TRIM63: variants seen among roughly 807,000 people sequenced by gnomAD.
TRIM63 encodes the protein tripartite motif containing 63.
A neutral mutation model predicts 46.0 loss-of-function variants in TRIM63; 48 were observed. The ratio of observed to expected loss-of-function variants is 1.04; its 90% CI spans 0.83 to 1.33. The LOEUF (loss-of-function observed/expected upper bound fraction) is 1.33. Ranked by LOEUF, TRIM63 falls within the 40% of genes most tolerant of loss-of-function variation. The probability of loss-of-function intolerance (pLI) is 0.00; values close to 1 mark genes in which losing one functional copy is unlikely to be tolerated. For missense variants in TRIM63, 455 were observed against 441.2 expected (o/e 1.03, Z -0.28); for synonymous variants, 175 against 162.8 (o/e 1.08, Z -0.57).
chr1:26,066,865 C>T (rs1200929170), intron 1 of TRIM63, among the ~76,000 whole-genome samples: 1 of 152,018 alleles, frequency 6.6e-6, no homozygotes, highest in Non-Finnish European at 1.5e-5. Flanking sequence ...CCCTTCCTTT[C>T]TCGGGGAGTT....
intron 7 of TRIM63, among the ~76,000 whole-genome samples, chr1:26,056,261 T>G (rs1241136337): frequency 1.3e-5 from 2 of 152,236 alleles, no homozygotes; most frequent in African/African-American, 2.4e-5. Flanking sequence ...ATTTTCACCC[T>G]TATTATTGTT....
Position 26,057,636 on chromosome 1 carries a change from GA to G in TRIM63, c.845del (p.Leu282ProfsTer31). The G allele has an allele frequency of 6.2e-7, 1 of 1,610,622 alleles. No homozygotes were observed. The highest frequency in any genetic ancestry group is 2.2e-5 in the East Asian group (1 of 44,820). On this transcript the variant is annotated frameshift_variant, in exon 6 of 9. Transcript: ENST00000374272. LOFTEE classifies it high-confidence loss of function. ...TCTAGGAAGACACTGACCTTTTGAT[GA>G]GTTGCTTGGCAGTCTGCAGGGGGAG... Reference protein sequence around the residue: ...GATFLLTAKQLIKSIVEASKG... With the variant: ...GATFLLTAKQXIKSIVEASKG...
rs778756156 is a variant in TRIM63 at position 26,058,371 on chromosome 1, C to T, written c.831+19G>A. 1.2e-6 allele frequency: 2 copies of T among 1,608,548 alleles called. No individual in the cohort carries two copies. The highest frequency in any genetic ancestry group is 1.7e-6 in the Non-Finnish European group (2 of 1,175,630). ...TAGAGTTGAACTGACCCCACCCAGA[C>T]CCTTCTAGTCCTGCTCACCAAGAGG... On this transcript the variant is annotated intron_variant, in intron 5 of 8. Transcript: ENST00000374272.
At chr1:26,051,973 G>C in intron 8 of TRIM63, 90 bp from the exon 9 acceptor site, 1 of 1,126,686 alleles carries the variant, frequency 8.9e-7, no homozygotes, top group Non-Finnish European at 1.2e-6. Flanking sequence ...ATTCAAACAG[G>C]AGTTTGAATA....
chr1:26,066,082 G>A (rs954406887), intron 2 of TRIM63, among the ~76,000 whole-genome samples, 186 bp downstream of exon 2: 3 of 152,146 alleles, frequency 2.0e-5, no homozygotes, highest in Non-Finnish European at 4.4e-5. Context: ...CTTCCCATCC[G>A]CTGAGCAATC....
intron 3 of TRIM63, 47 bp downstream of exon 3, chr1:26,061,119 G>T (rs144474205): frequency 3.8e-6 from 6 of 1,589,950 alleles, no homozygotes; most frequent in Non-Finnish European, 5.2e-6. Context: ...TCATCAGGCC[G>T]TGCCCAGCAG....
intron 3 of TRIM63, among the ~76,000 whole-genome samples, chr1:26,060,962 G>A (rs551563461): frequency 2.6e-5 from 4 of 152,196 alleles, no homozygotes; most frequent in East Asian, 3.8e-4. Context: ...AGGTGCTCTC[G>A]AGTGGCTCTA....
chr1:26,067,324 C>T lies in TRIM63; in HGVS notation c.159+12G>A. The T allele has an allele frequency of 6.2e-7, 1 of 1,613,208 alleles. No homozygotes were observed. Among genetic ancestry groups the T allele is most frequent in the Non-Finnish European group, 8.5e-7 (1 of 1,179,916 alleles). On this transcript the variant is annotated intron_variant, in intron 1 of 8. Transcript: ENST00000374272. ...CCTGGGGACCCCAAATGAAGCTGCACCCGGCACTTACCTGGAAGATGTCAT... is the reference window on the plus strand; with the variant it reads ...CCTGGGGACCCCAAATGAAGCTGCATCCGGCACTTACCTGGAAGATGTCAT...
chr1:26,063,126 A>G (rs2050642624), intron 2 of TRIM63, among the ~76,000 whole-genome samples: 1 of 152,024 alleles, frequency 6.6e-6, no homozygotes, highest in Admixed American at 6.6e-5. Flanking sequence ...GCTGGAGTGC[A>G]GCAGCGATTC....
chr1:26,057,407 G>T, intron 6 of TRIM63, 80 bp from the exon 7 acceptor site: 2 of 1,553,836 alleles, frequency 1.3e-6, no homozygotes, highest in Non-Finnish European at 1.7e-6. Context: ...GCTTTGCCAC[G>T]CCCAGGCCTT....
At chr1:26,054,902 A>G (rs1454399455) in intron 7 of TRIM63, among the ~76,000 whole-genome samples, 2 of 151,714 alleles carry the variant, frequency 1.3e-5, no homozygotes, top group Admixed American at 1.3e-4. Context: ...CAGGAGGCAA[A>G]CGTTGCAGTG....
intron 2 of TRIM63, among the ~76,000 whole-genome samples, chr1:26,061,764 G>T (rs1342897256): frequency 6.6e-6 from 1 of 152,234 alleles, no homozygotes; most frequent in Non-Finnish European, 1.5e-5. Context: ...GAGTTCAGTT[G>T]CTCTAATTAT....
chr1:26,056,595 G>A (rs1254856119), intron 7 of TRIM63, among the ~76,000 whole-genome samples: 1 of 152,110 alleles, frequency 6.6e-6, no homozygotes, highest in Non-Finnish European at 1.5e-5. Context: ...ACAAATGACA[G>A]AACCAGGATT....
At chr1:26,056,315 T>A (rs2050569954) in intron 7 of TRIM63, among the ~76,000 whole-genome samples, 1 of 152,164 alleles carries the variant, frequency 6.6e-6, no homozygotes, top group Non-Finnish European at 1.5e-5. Context: ...TATGGAAGAG[T>A]AATTATAAAC....
intron 3 of TRIM63, among the ~76,000 whole-genome samples, chr1:26,060,616 A>G (rs1020046999): frequency 5.3e-5 from 8 of 152,238 alleles, no homozygotes; most frequent in Non-Finnish European, 8.8e-5. Flanking sequence ...AGGAACTGAC[A>G]GAGGAGGGGC....
At chr1:26,066,516 T>A (rs1206467185) in intron 1 of TRIM63, 76 bp from the exon 2 acceptor site, 2 of 1,359,744 alleles carry the variant, frequency 1.5e-6, no homozygotes, top group African/African-American at 3.0e-5. Flanking sequence ...CTCTTATCCT[T>A]TCCTCTGCCT....
intron 1 of TRIM63, among the ~76,000 whole-genome samples, chr1:26,066,762 A>C (rs1443172778): frequency 3.3e-5 from 5 of 152,194 alleles, no homozygotes; most frequent in Admixed American, 3.3e-4. Context: ...CAAGCTCCTA[A>C]GGCTGCTACT....
chr1:26,062,112 T>C (rs565276163), intron 2 of TRIM63, among the ~76,000 whole-genome samples: 10 of 151,526 alleles, frequency 6.6e-5, no homozygotes, highest in African/African-American at 2.4e-4. Flanking sequence ...TACTAAAAAC[T>C]CAAAAAAATT....
chr1:26,062,509 G>A (rs2124441845), intron 2 of TRIM63, among the ~76,000 whole-genome samples: 1 of 152,258 alleles, frequency 6.6e-6, no homozygotes, highest in South Asian at 2.1e-4. Context: ...TGCCCCTGAG[G>A]CTCAGAGAAG....
Sources: allele counts gnomAD v4.1 joint callset (sites outside exome capture counted in the v4.1 genomes callset), GRCh38; gene constraint gnomAD v4.1.1; transcripts MANE v1.5; gene names NCBI Gene and HGNC (gene_info 2026-07-23, HGNC 2026-07-21).